CGRRF1: variants seen among roughly 807,000 people sequenced by gnomAD.
CGRRF1 encodes the protein cell growth regulator with ring finger domain 1.
In CGRRF1, 32 loss-of-function variants were observed where a neutral mutation model predicts 37.2. The observed-to-expected ratio is 0.86, with a 90% CI of 0.65 to 1.16. The LOEUF (loss-of-function observed/expected upper bound fraction) is 1.16. Ranked by LOEUF, CGRRF1 falls within the 50% of genes most tolerant of loss-of-function variation. The probability of loss-of-function intolerance (pLI) is 0.00; values close to 1 mark genes in which losing one functional copy is unlikely to be tolerated. For synonymous variants in CGRRF1, 141 were observed against 140.3 expected (o/e 1.00, Z -0.04); for missense variants, 391 against 382.6 (o/e 1.02, Z -0.18).
At chr14:54,521,290 G>A (rs1303541942) in intron 1 of CGRRF1, among the ~76,000 whole-genome samples, 4 of 151,694 alleles carry the variant, frequency 2.6e-5, no homozygotes, top group Non-Finnish European at 4.4e-5. Flanking sequence ...GTGAAACCCC[G>A]TCTCTACTAA....
intron 4 of CGRRF1, among the ~76,000 whole-genome samples, chr14:54,531,764 C>A (rs1418874137): frequency 1.3e-5 from 2 of 152,008 alleles, no homozygotes; most frequent in Non-Finnish European, 2.9e-5. Context: ...TTAAAAGTAT[C>A]TTAGAGATCT....
Position 54,514,560 on chromosome 14 carries a change from C to T in CGRRF1, c.104+4497C>T, listed in dbSNP as rs139093201. The stretch of plus-strand genomic sequence containing the variant: ...CATCACCCAGGTATTAATCCCAGTA[C>T]TCAATAGTTATCTTTTCTGCTCCTG... On this transcript the variant is annotated intron_variant, in intron 1 of 5. Transcript: ENST00000216420. Among the ~76,000 whole-genome samples the T allele has an allele frequency of 3.7e-3, 570 of 152,326 alleles. 3 individuals carry two copies. Among genetic ancestry groups the T allele is most frequent in the African/African-American group, 0.013 (554 of 41,568 alleles).
chr14:54,519,322 T>A (rs780411679), intron 1 of CGRRF1, among the ~76,000 whole-genome samples: 1 of 151,914 alleles, frequency 6.6e-6, no homozygotes, highest in Non-Finnish European at 1.5e-5. Flanking sequence ...ACTGCAGTCT[T>A]GACCTCCCAG....
In CGRRF1 at chr14:54,532,955, C is replaced by T. The variant is rs536517754; in HGVS notation, c.570+1905C>T. The stretch of plus-strand genomic sequence containing the variant: ...CTTCTGCCCCCACTGTGTGCCCCAT[C>T]TCTGCTGAGTTTCTTGGGTTCTGTT... On this transcript the variant is annotated intron_variant, in intron 4 of 5. Coordinates refer to ENST00000216420, the MANE Select transcript of CGRRF1 (RefSeq NM_006568.3). Among the ~76,000 whole-genome samples the T allele has an allele frequency of 7.9e-5, 12 of 152,232 alleles. No homozygotes were observed. In the South Asian group the frequency reaches 2.5e-3, roughly 32 times the overall value.
chr14:54,524,883 A>C lies in CGRRF1; in HGVS notation c.244+2290A>C, dbSNP rs369911905. On this transcript the variant is annotated intron_variant, in intron 2 of 5. Transcript: ENST00000216420. ...TGACACAGATAAAACTAATTTGTTT[A>C]AAAGATAGTAGGTTGTGCATGCCTG... is the stretch of plus-strand genomic sequence containing the variant. Among the ~76,000 whole-genome samples the C allele has an allele frequency of 2.0e-5, 3 of 152,142 alleles. No individual in the cohort carries two copies. In the East Asian group the frequency reaches 5.8e-4, roughly 29 times the overall value.
chr14:54,524,713 T>C (rs993133241), intron 2 of CGRRF1, among the ~76,000 whole-genome samples: 1 of 152,094 alleles, frequency 6.6e-6, no homozygotes, highest in East Asian at 1.9e-4. Flanking sequence ...CAAAATTTCT[T>C]ATTCATCCTC....
rs1223020297 is a variant in CGRRF1 at position 54,539,288 on chromosome 14, G to T, written c.*905G>T. ...AATAAACCCTGTATTCTTCTGAATA[G>T]TAAATTACTTTATTCATCCATTGTT... On this transcript the variant is annotated 3_prime_UTR_variant, in exon 6 of 6. Coordinates refer to ENST00000216420, the MANE Select transcript of CGRRF1 (RefSeq NM_006568.3). The T allele has an allele frequency of 2.0e-5, 3 of 151,978 alleles. No homozygotes were observed. Among genetic ancestry groups the T allele is most frequent in the Non-Finnish European group, 4.4e-5 (3 of 67,986 alleles). 9.4% of individuals were successfully genotyped at this position (151,978 alleles called of 1,614,324 possible). A position where few individuals can be genotyped will look rare whatever the true frequency, so the allele number is the denominator to read the frequency against.
At chr14:54,515,606 A>AT (rs1462572516) in intron 1 of CGRRF1, among the ~76,000 whole-genome samples, 2 of 152,198 alleles carry the variant, frequency 1.3e-5, no homozygotes, top group Non-Finnish European at 2.9e-5. Context: ...TAATAGGTAC[A>AT]TAAACATTTA....
At chr14:54,531,684 TATA>T (rs2032517916) in intron 4 of CGRRF1, among the ~76,000 whole-genome samples, 1 of 152,196 alleles carries the variant, frequency 6.6e-6, no homozygotes, top group Non-Finnish European at 1.5e-5. Context: ...TTTCAGTAAT[TATA>T]ATAATCTCCT....
At chr14:54,513,883 C>T (rs900840983) in intron 1 of CGRRF1, among the ~76,000 whole-genome samples, 11 of 152,054 alleles carry the variant, frequency 7.2e-5, no homozygotes, top group African/African-American at 2.7e-4. Flanking sequence ...ATTACCTAGC[C>T]TTTGTCAGTG....
intron 1 of CGRRF1, among the ~76,000 whole-genome samples, chr14:54,512,466 G>A (rs1392194577): frequency 6.6e-6 from 1 of 152,202 alleles, no homozygotes; most frequent in Non-Finnish European, 1.5e-5. Context: ...AATAATCAGG[G>A]ACCATGACTC....
chr14:54,530,025 TTC>T (rs1293228510), intron 2 of CGRRF1, 22 bp from the exon 3 acceptor site: 1 of 1,583,552 alleles, frequency 6.3e-7, no homozygotes, highest in Admixed American at 1.7e-5. Context: ...ATCACTTTCA[TTC>T]TTTCTCCTTT....
At chr14:54,525,154 G>T (rs2032391744) in intron 2 of CGRRF1, among the ~76,000 whole-genome samples, 1 of 152,218 alleles carries the variant, frequency 6.6e-6, no homozygotes, top group Non-Finnish European at 1.5e-5. Flanking sequence ...TGGCTCTTGA[G>T]CAGGACCCGC....
chr14:54,524,669 AG>A, intron 2 of CGRRF1, among the ~76,000 whole-genome samples: 1 of 152,250 alleles, frequency 6.6e-6, no homozygotes, highest in Middle Eastern at 3.4e-3. Context: ...CTGGGATTAC[AG>A]GCGTGACCCA....
At chr14:54,520,017 C>T (rs1326080188) in intron 1 of CGRRF1, among the ~76,000 whole-genome samples, 1 of 152,188 alleles carries the variant, frequency 6.6e-6, no homozygotes, top group Non-Finnish European at 1.5e-5. Flanking sequence ...AGTTCTAAAA[C>T]ATTACATATT....
chr14:54,522,221 T>C (rs1332983431), intron 1 of CGRRF1, among the ~76,000 whole-genome samples: 5 of 152,216 alleles, frequency 3.3e-5, no homozygotes, highest in Admixed American at 6.5e-5. Flanking sequence ...TTTATTGTTA[T>C]TTTTTATTCT....
chr14:54,535,198 A>G (rs951819954), intron 4 of CGRRF1, among the ~76,000 whole-genome samples: 7 of 152,286 alleles, frequency 4.6e-5, no homozygotes, highest in African/African-American at 1.7e-4. Context: ...TAAATTTAAC[A>G]TTGATACAGT....
chr14:54,530,682 A>G (rs2032498189), intron 3 of CGRRF1: 2 of 841,796 alleles, frequency 2.4e-6, no homozygotes, highest in East Asian at 2.5e-5. Flanking sequence ...TACTAGAAGC[A>G]TGTTTATTGC....
At chr14:54,518,711 GT>G (rs1249874986) in intron 1 of CGRRF1, among the ~76,000 whole-genome samples, 6 of 152,186 alleles carry the variant, frequency 3.9e-5, no homozygotes, top group Admixed American at 3.9e-4. Flanking sequence ...ATGTTGAGCT[GT>G]TTTTCACATG....
Sources: gnomAD v4.1 joint callset for allele counts (sites outside exome capture counted in the v4.1 genomes callset) on GRCh38, gnomAD v4.1.1 for gene constraint, MANE v1.5 for transcripts, NCBI Gene and HGNC (gene_info 2026-07-23, HGNC 2026-07-21) for gene names.